OCA2: variants seen among roughly 807,000 people sequenced by gnomAD.
OCA2 encodes P protein.
OCA2 carries 77 observed loss-of-function variants against 100.2 expected under a neutral mutation model. The observed-to-expected ratio is 0.77, with a 90% CI of 0.64 to 0.93. The LOEUF is 0.93. Ranked by LOEUF, OCA2 falls within the 40% of genes least tolerant of loss-of-function variation. The pLI, the probability that OCA2 is intolerant of heterozygous loss-of-function variation, is 0.00. For synonymous variants in OCA2, 432 were observed against 439.2 expected (o/e 0.98, Z 0.21); for missense variants, 1,062 against 1,089.1 (o/e 0.98, Z 0.35).
chr15:27,745,515 T>C, the OCA2 span, among the ~76,000 whole-genome samples: 1 of 152,202 alleles, frequency 6.6e-6, no homozygotes, highest in Non-Finnish European at 1.5e-5. Flanking sequence ...TTTCTGGGAA[T>C]GCAGACCAGC....
chr15:27,802,446 T>C (rs1281008342), intron 23 of OCA2, among the ~76,000 whole-genome samples: 1 of 152,100 alleles, frequency 6.6e-6, no homozygotes, highest in East Asian at 1.9e-4. Flanking sequence ...CAGGTTGACA[T>C]ACTGATTTTA....
chr15:27,805,303 G>A (rs753801664), intron 23 of OCA2, among the ~76,000 whole-genome samples: 1 of 152,250 alleles, frequency 6.6e-6, no homozygotes, highest in African/African-American at 2.4e-5. Context: ...GCAGTAAATC[G>A]GAGGCGATAA....
At chr15:27,847,671 G>A (rs993281912) in intron 22 of OCA2, among the ~76,000 whole-genome samples, 4 of 152,196 alleles carry the variant, frequency 2.6e-5, no homozygotes, top group African/African-American at 9.7e-5. Context: ...AAGTGTGTCC[G>A]CCAGTGCAAC....
At chr15:27,835,504 C>T (rs1176900982) in intron 23 of OCA2, among the ~76,000 whole-genome samples, 1 of 152,212 alleles carries the variant, frequency 6.6e-6, no homozygotes, top group Non-Finnish European at 1.5e-5. Flanking sequence ...CTGGTGATCC[C>T]CAGTGGAATA....
intron 23 of OCA2, among the ~76,000 whole-genome samples, chr15:27,844,269 G>T (rs1034136218): frequency 1.3e-5 from 2 of 152,164 alleles, no homozygotes; most frequent in Non-Finnish European, 2.9e-5. Context: ...GGACGCCACT[G>T]CCAGGCTGCC....
At chr15:27,844,473 G>A (rs1282925241) in intron 23 of OCA2, among the ~76,000 whole-genome samples, 1 of 152,174 alleles carries the variant, frequency 6.6e-6, no homozygotes, top group African/African-American at 2.4e-5. Flanking sequence ...AGTCATCCAG[G>A]ATATCTGAAC....
At chr15:27,772,803 T>G (rs1055152652) in intron 23 of OCA2, among the ~76,000 whole-genome samples, 9 of 143,018 alleles carry the variant, frequency 6.3e-5, no homozygotes, top group Admixed American at 3.6e-4. Context: ...ATCTCGCCAC[T>G]GCACTCCAGC....
intron 18 of OCA2, among the ~76,000 whole-genome samples, chr15:27,951,470 GT>G: frequency 6.6e-6 from 1 of 152,304 alleles, no homozygotes; most frequent in East Asian, 1.9e-4. Flanking sequence ...TAAAGATGTG[GT>G]TATTAACTAC....
intron 21 of OCA2, among the ~76,000 whole-genome samples, chr15:27,859,521 CA>C (rs1644691701): frequency 6.6e-6 from 1 of 152,160 alleles, no homozygotes; most frequent in South Asian, 2.1e-4. Flanking sequence ...GACACTGAAT[CA>C]GTAACCAAAA....
chr15:27,748,716 T>C, the OCA2 span, among the ~76,000 whole-genome samples: 1 of 152,132 alleles, frequency 6.6e-6, no homozygotes, highest in Non-Finnish European at 1.5e-5. Flanking sequence ...AAGTCAGTTG[T>C]ACAAATTATA....
At chr15:28,032,246 A>C in intron 2 of OCA2, 83 bp from the exon 3 acceptor site, 1 of 1,054,328 alleles carries the variant, frequency 9.5e-7, no homozygotes, top group Non-Finnish European at 1.5e-6. Context: ...AGATTCAAGA[A>C]TGTGCCCAAG....
At position 27,894,815 on chromosome 15, in the gene OCA2, T is replaced by C. The variant is rs571949455; in HGVS notation, c.2080-22893A>G. Among the ~76,000 whole-genome samples, 46 of 152,298 alleles carry C rather than the reference T, an allele frequency of 3.0e-4. 1 individual carries two copies. In the South Asian group the frequency reaches 9.3e-3, roughly 31 times the overall value. On this transcript the variant is annotated intron_variant, in intron 19 of 23. Transcript: ENST00000354638. The stretch of plus-strand genomic sequence containing the variant: ...TGTCTGGAACCTGAATGACTTGACT[T>C]TTCTGCCTGGTCCCAACCCAAAAGT...
chr15:27,926,912 C>A (rs1462587258), intron 18 of OCA2, among the ~76,000 whole-genome samples: 1 of 152,212 alleles, frequency 6.6e-6, no homozygotes, highest in African/African-American at 2.4e-5. Context: ...CCATGCCCCA[C>A]CTGTTGTATT....
intron 23 of OCA2, among the ~76,000 whole-genome samples, chr15:27,831,306 A>AAAAAAAAAAAAAAAAAAAAAAC (rs398026675): frequency 1.3e-5 from 2 of 150,924 alleles, no homozygotes; most frequent in Admixed American, 6.6e-5. Context: ...AAAAAAAAAA[A>AAAAAAAAAAAAAAAAAAAAAAC]TCGGTCTGAG....
intron 18 of OCA2, among the ~76,000 whole-genome samples, chr15:27,927,863 C>T: frequency 7.0e-6 from 1 of 142,798 alleles, no homozygotes; most frequent in Admixed American, 7.5e-5. Flanking sequence ...GCAATCTCAG[C>T]TCACTGCAAC....
At chr15:27,929,385 T>C (rs1225496968) in intron 18 of OCA2, among the ~76,000 whole-genome samples, 1 of 152,206 alleles carries the variant, frequency 6.6e-6, no homozygotes, top group Non-Finnish European at 1.5e-5. Context: ...GGTGGTTTAA[T>C]ACAGAAGGAG....
intron 2 of OCA2, among the ~76,000 whole-genome samples, chr15:28,058,700 T>TATACAATAGTATA (rs2043780678): frequency 6.6e-6 from 1 of 152,230 alleles, no homozygotes; most frequent in East Asian, 1.9e-4. Flanking sequence ...GTATAAATAG[T>TATACAATAGTATA]AATAATCCAG....
chr15:28,054,387 T>C (rs184686413), intron 2 of OCA2, among the ~76,000 whole-genome samples: 160 of 152,330 alleles, frequency 1.1e-3, no homozygotes, highest in Non-Finnish European at 2.0e-3. Flanking sequence ...CCTCTGGAGA[T>C]GGCCAAATGG....
chr15:27,934,530 G>T (rs17680176), intron 18 of OCA2, among the ~76,000 whole-genome samples: 8 of 151,976 alleles, frequency 5.3e-5, no homozygotes, highest in Admixed American at 1.3e-4. Context: ...ACTTCTCCTG[G>T]GTAAAGCTTT....
Sources: gnomAD v4.1 joint callset for allele counts (sites outside exome capture counted in the v4.1 genomes callset) on GRCh38, gnomAD v4.1.1 for gene constraint, MANE v1.5 for transcripts, NCBI Gene and HGNC (gene_info 2026-07-23, HGNC 2026-07-21) for gene names.